Variants in MORC3 observed in about 807,000 individuals in gnomAD.
The protein encoded by MORC3 is MORC family CW-type zinc finger 3.
A neutral mutation model predicts 109.1 loss-of-function variants in MORC3; 31 were observed. That is an observed-to-expected ratio of 0.28 (90% CI 0.21 to 0.38). The LOEUF (loss-of-function observed/expected upper bound fraction) is 0.38. Ranked by LOEUF, MORC3 falls within the 10% of genes least tolerant of loss-of-function variation. The pLI is 1.00. For missense variants in MORC3, 867 were observed against 1,135.8 expected, an observed-to-expected ratio of 0.76 and a Z score of 3.40; for synonymous variants, 395 against 380.7, an observed-to-expected ratio of 1.04 and a Z score of -0.44.
intron 8 of MORC3, among the ~76,000 whole-genome samples, chr21:36,346,135 C>T (rs2085504939): frequency 6.6e-6 from 1 of 152,228 alleles, no homozygotes; most frequent in Non-Finnish European, 1.5e-5. Context: ...ATTCTCGGGC[C>T]TTAGCCTCCC....
intron 1 of MORC3, among the ~76,000 whole-genome samples, chr21:36,330,219 C>T (rs560146208): frequency 2.0e-5 from 3 of 151,988 alleles, no homozygotes; most frequent in African/African-American, 7.2e-5. Flanking sequence ...AGGAGATAAT[C>T]AATTAAGAGT....
At chr21:36,368,241 G>A (rs1390279064) in intron 14 of MORC3, among the ~76,000 whole-genome samples, 1 of 152,166 alleles carries the variant, frequency 6.6e-6, no homozygotes, top group Admixed American at 6.6e-5. Flanking sequence ...TCATATGAAA[G>A]GATAAATACT....
intron 6 of MORC3, among the ~76,000 whole-genome samples, chr21:36,343,715 G>A (rs2085477311): frequency 6.6e-6 from 1 of 151,930 alleles, no homozygotes; most frequent in Non-Finnish European, 1.5e-5. Flanking sequence ...CCAAAGTGCT[G>A]GGATTACAGG....
In MORC3 at chr21:36,369,325, G is replaced by C; in HGVS notation, c.1957G>C (p.Glu653Gln). The C allele has an allele frequency of 6.2e-7, 1 of 1,614,154 alleles. No homozygotes were observed. The stretch of plus-strand genomic sequence containing the variant: ...ACCAAGTTTAGTTGTTAAAAAAGAA[G>C]AAACTGTTGAAGACGAGATAGACGT... ...EVPSLVVKKE[E>Q]TVEDEIDVRN... Residue 653 changes from glutamate (E) to glutamine (Q), a missense_variant, in exon 15 of 17, where the codon GAA becomes CAA. Physicochemically the swap from Glu to Gln is conservative, Grantham distance 29 (BLOSUM62 2). Transcript: ENST00000400485.
intron 1 of MORC3, among the ~76,000 whole-genome samples, chr21:36,332,401 G>A (rs1184894248): frequency 2.0e-5 from 3 of 152,094 alleles, no homozygotes; most frequent in Non-Finnish European, 2.9e-5. Context: ...GTGCCACTGC[G>A]TTACAGCCTA....
intron 14 of MORC3, among the ~76,000 whole-genome samples, chr21:36,368,022 A>G (rs1262491861): frequency 6.6e-6 from 1 of 152,140 alleles, no homozygotes; most frequent in African/African-American, 2.4e-5. Flanking sequence ...CCAATATGAG[A>G]CAGTCCAAAA....
intron 16 of MORC3, among the ~76,000 whole-genome samples, chr21:36,373,858 A>G (rs1232718751): frequency 6.6e-6 from 1 of 152,146 alleles, no homozygotes; most frequent in Non-Finnish European, 1.5e-5. Flanking sequence ...TGTAACACTC[A>G]TTTTATGTGT....
intron 2 of MORC3, among the ~76,000 whole-genome samples, chr21:36,334,734 A>C (rs1340795286): frequency 6.6e-6 from 1 of 152,192 alleles, no homozygotes; most frequent in Non-Finnish European, 1.5e-5. Context: ...GGGAAGTTTA[A>C]GGTTTAGGAT....
chr21:36,369,380 G>A lies in MORC3; in HGVS notation c.2012G>A (p.Cys671Tyr). 1 of 1,614,196 alleles carries A rather than the reference G, an allele frequency of 6.2e-7. No homozygotes were observed. Among genetic ancestry groups the A allele is most frequent in the South Asian group, 1.1e-5 (1 of 91,082 alleles). Residue 671 changes from cysteine (C) to tyrosine (Y), a missense_variant, in exon 15 of 17, where the codon TGT becomes TAT. By Grantham distance (194) the Cys-to-Tyr change is radical (BLOSUM62 -2). Transcript: ENST00000400485. Reference sequence around the variant, plus strand: ...AATGATGCAGTGATTCTGCCCTCCTGTGTAGAAGCTGAAGCAAAGATACAT... The same window carrying A: ...AATGATGCAGTGATTCTGCCCTCCTATGTAGAAGCTGAAGCAAAGATACAT... ...VRNDAVILPS[C>Y]VEAEAKIHET...
At chr21:36,335,461 A>G (rs978292383) in intron 2 of MORC3, among the ~76,000 whole-genome samples, 2 of 151,830 alleles carry the variant, frequency 1.3e-5, no homozygotes, top group Middle Eastern at 3.4e-3. Flanking sequence ...GACTACAGGC[A>G]CATGCCACCG....
chr21:36,372,428 A>G lies in MORC3; in HGVS notation c.2563A>G (p.Lys855Glu). 6.2e-7 allele frequency: 1 copy of G among 1,604,202 alleles called. No homozygotes were observed. The highest frequency in any genetic ancestry group is 1.1e-5 in the South Asian group (1 of 88,658). ...AATCCGTTCACAGTGTGAAGAACTC[A>G]AAACTGAAGTAGAACAGTTAAAATC... ...SQIRSQCEEL[K>E]TEVEQLKSTN... The change falls in exon 16 of 17, where the codon AAA becomes GAA. Residue 855 changes from lysine to glutamate, a missense_variant. Physicochemically the swap from Lys to Glu is moderately conservative, Grantham distance 56. Around this residue, in one of 7 missense-constraint regions of MORC3, gnomAD observed 486 missense variants for 502.1 expected, o/e 0.97. Transcript: ENST00000400485.
At chr21:36,374,114 G>C (rs1319558628) in intron 16 of MORC3, among the ~76,000 whole-genome samples, 5 of 152,070 alleles carry the variant, frequency 3.3e-5, no homozygotes, top group Non-Finnish European at 5.9e-5. Context: ...TTTGGAGACA[G>C]AGTCTTGATC....
chr21:36,329,892 C>T (rs530801482), intron 1 of MORC3, among the ~76,000 whole-genome samples: 80 of 150,328 alleles, frequency 5.3e-4, no homozygotes, highest in Admixed American at 1.6e-3. Flanking sequence ...GACGGAGTTT[C>T]GCTCTTGTTG....
At chr21:36,341,357 G>A (rs768331506) in intron 5 of MORC3, 42 bp from the exon 6 acceptor site, 4 of 1,560,096 alleles carry the variant, frequency 2.6e-6, no homozygotes, top group African/African-American at 2.7e-5. Flanking sequence ...TTATCTTGCT[G>A]TGAAGTTAAA....
chr21:36,375,429 T>A lies in MORC3; in HGVS notation c.*133T>A. On this transcript the variant is annotated 3_prime_UTR_variant, in exon 17 of 17. Coordinates refer to ENST00000400485, the MANE Select transcript of MORC3 (RefSeq NM_015358.3). The stretch of plus-strand genomic sequence containing the variant: ...CATAATCTTTACTGTATTCTATGCA[T>A]TCAAATGTGGTCACAAATATTGTGG... 1 of 769,294 alleles carries A rather than the reference T, an allele frequency of 1.3e-6. No individual in the cohort carries two copies. Among genetic ancestry groups the A allele is most frequent in the South Asian group, 2.1e-5 (1 of 48,352 alleles). 47.7% of individuals were successfully genotyped at this position (769,294 alleles called of 1,614,324 possible). A position where few individuals can be genotyped will look rare whatever the true frequency, so the allele number is the denominator to read the frequency against.
intron 13 of MORC3, among the ~76,000 whole-genome samples, chr21:36,362,496 T>A (rs2085730915): frequency 1.3e-5 from 2 of 152,016 alleles, no homozygotes; most frequent in African/African-American, 4.8e-5. Flanking sequence ...TGAGAAAGAT[T>A]GGTACCATTG....
At chr21:36,346,858 T>A (rs2085513576) in intron 8 of MORC3, among the ~76,000 whole-genome samples, 2 of 151,492 alleles carry the variant, frequency 1.3e-5, no homozygotes, top group Admixed American at 1.3e-4. Context: ...AAAAACAAAT[T>A]AGCCAGGTGT....
At chr21:36,333,442 G>T (rs1308370141) in intron 1 of MORC3, 2 of 575,332 alleles carry the variant, frequency 3.5e-6, no homozygotes, top group Admixed American at 3.2e-5. Flanking sequence ...CCAAGTCTTG[G>T]TGAGTAAGCT....
intron 15 of MORC3, among the ~76,000 whole-genome samples, chr21:36,370,633 A>ATTTTTTTT (rs2085848041): frequency 6.5e-5 from 3 of 46,480 alleles, no homozygotes; most frequent in Non-Finnish European, 1.2e-4. Context: ...ATATATATAT[A>ATTTTTTTT]TATATATTTT....
Sources: allele counts gnomAD v4.1 joint callset (sites outside exome capture counted in the v4.1 genomes callset), GRCh38; gene constraint gnomAD v4.1.1; regional missense constraint gnomAD v4.1.1; transcripts MANE v1.5; gene names NCBI Gene and HGNC (gene_info 2026-07-23, HGNC 2026-07-21).